MICALL1: variants seen among roughly 807,000 people sequenced by gnomAD.
The protein encoded by MICALL1 is MICAL like 1, also known as MICAL-like protein 1.
Under a neutral mutation model 83.7 loss-of-function variants are expected in MICALL1, and 61 were observed. The observed-to-expected ratio is 0.73, with a 90% CI of 0.59 to 0.90. MICALL1 has a LOEUF of 0.90. MICALL1 is among the 40% of genes least tolerant of loss of function. The probability of loss-of-function intolerance (pLI) is 0.00; values close to 1 mark genes in which losing one functional copy is unlikely to be tolerated. For missense variants in MICALL1, 1,066 were observed against 1,152.0 expected (o/e 0.93, Z 1.08); for synonymous variants, 481 against 473.6 (o/e 1.02, Z -0.20).
intron 8 of MICALL1, chr22:37,927,159 A>C: frequency 4.1e-6 from 2 of 485,452 alleles, no homozygotes; most frequent in East Asian, 3.1e-5. Context: ...CATGGGGGCT[A>C]TGGGGAGTGT....
In MICALL1 at chr22:37,927,758, C is replaced by G. The variant is rs144172126; in HGVS notation, c.1813C>G (p.Leu605Val). 6.2e-7 allele frequency: 1 copy of G among 1,613,786 alleles called. No individual in the cohort carries two copies. ...CTGCAGTGGCGCCACCCCAACGCCTCTCTTGTTGGTTGGAGACAGGAGCCC... is the reference window on the plus strand; with the variant it reads ...CTGCAGTGGCGCCACCCCAACGCCTGTCTTGTTGGTTGGAGACAGGAGCCC... ...KPCSGATPTP[L>V]LLVGDRSPVP... Residue 605 changes from leucine (L) to valine (V), a missense_variant, in exon 9 of 16, where the codon CTC becomes GTC. Coordinates refer to ENST00000215957, the MANE Select transcript of MICALL1 (RefSeq NM_033386.4).
chr22:37,919,216 G>T, intron 5 of MICALL1, 38 bp downstream of exon 5: 1 of 1,481,840 alleles, frequency 6.7e-7, no homozygotes, highest in South Asian at 1.3e-5. Context: ...CCGAAACCAG[G>T]GAGGGGGCTA....
chr22:37,935,613 C>T (rs571819359), intron 13 of MICALL1, among the ~76,000 whole-genome samples: 4 of 151,848 alleles, frequency 2.6e-5, no homozygotes, highest in East Asian at 1.9e-4. Flanking sequence ...AGTGCAATGG[C>T]GTGAACTCAG....
chr22:37,912,851 C>T (rs1414145339), intron 3 of MICALL1, among the ~76,000 whole-genome samples: 1 of 151,612 alleles, frequency 6.6e-6, no homozygotes, highest in Non-Finnish European at 1.5e-5. Flanking sequence ...TTAGTAGAGA[C>T]AGGGTTTCAC....
Position 37,927,562 on chromosome 22 carries a change from G to T in MICALL1, c.1617G>T (p.Glu539Asp). ...CAGCTGTGCCCAAGAGCTCCTCAGA[G>T]CCTGCTGTCCATGCCCCTGGTACCC... The part of the protein sequence containing the change: ...EPPAVPKSSS[E>D]PAVHAPGTPG... The change falls in exon 9 of 16, where the codon GAG (glutamate) becomes GAT (aspartate). Residue 539 changes from glutamate to aspartate, a missense_variant. By Grantham distance (45) the Glu-to-Asp change is conservative. Coordinates refer to ENST00000215957, the MANE Select transcript of MICALL1 (RefSeq NM_033386.4). 2 of 1,613,758 alleles carry T rather than the reference G, an allele frequency of 1.2e-6. No homozygotes were observed. Among genetic ancestry groups the T allele is most frequent in the Non-Finnish European group, 1.7e-6 (2 of 1,179,662 alleles).
chr22:37,927,407 A>C lies in MICALL1; in HGVS notation c.1466-4A>C. ...GTGAGGTGTCCTGGTGCTCGTCCGC[A>C]CAGCTCTCCACGCCTCCCGCCTCTC... On this transcript the variant is annotated splice_region_variant and splice_polypyrimidine_tract_variant and intron_variant, in intron 8 of 15. Coordinates refer to ENST00000215957, the MANE Select transcript of MICALL1 (RefSeq NM_033386.4). 6.4e-7 allele frequency: 1 copy of C among 1,572,386 alleles called. No homozygotes were observed. Among genetic ancestry groups the C allele is most frequent in the Non-Finnish European group, 8.6e-7 (1 of 1,159,984 alleles).
chr22:37,927,691 C>T lies in MICALL1; in HGVS notation c.1746C>T (p.Ala582=). 1 of 1,614,166 alleles carries T rather than the reference C, an allele frequency of 6.2e-7. No individual in the cohort carries two copies. The highest frequency in any genetic ancestry group is 8.5e-7 in the Non-Finnish European group (1 of 1,180,032). ...EQMPQASPGL[A]PRTRGSSGPQ... is the part of the protein sequence containing the mutation. ...TGCCTCAAGCCAGCCCTGGCCTTGC[C>T]CCCAGGACCAGGGGCAGCTCAGGTC... The change falls in exon 9 of 16, where the codon GCC becomes GCT. Residue 582 remains alanine (A), a synonymous_variant. Coordinates refer to ENST00000215957, the MANE Select transcript of MICALL1 (RefSeq NM_033386.4).
Position 37,927,672 on chromosome 22 carries a change from A to G in MICALL1, c.1727A>G (p.Gln576Arg). The G allele has an allele frequency of 1.2e-6, 2 of 1,614,106 alleles. No individual in the cohort carries two copies. The highest frequency in any genetic ancestry group is 1.7e-6 in the Non-Finnish European group (2 of 1,180,024). Residue 576 changes from glutamine (Q) to arginine (R), a missense_variant, in exon 9 of 16, where the codon CAA (glutamine) becomes CGA (arginine). Coordinates refer to ENST00000215957, the MANE Select transcript of MICALL1 (RefSeq NM_033386.4). ...LVEPRVEQMP[Q>R]ASPGLAPRTR... ...GAGCCTAGAGTGGAACAAATGCCTCAAGCCAGCCCTGGCCTTGCCCCCAGG... is the reference window on the plus strand; with the variant it reads ...GAGCCTAGAGTGGAACAAATGCCTCGAGCCAGCCCTGGCCTTGCCCCCAGG...
rs774789134 is a variant in MICALL1, at chr22:37,940,784, G to T, written c.2546G>T (p.Gly849Val). ...ACCATGAAGATGTTGAAACTGCTAG[G>T]AAACAAACGTGATGCCAAGAGCAAG... ...FKTMKMLKLL[G>V]NKRDAKSKSP... Residue 849 changes from glycine to valine, a missense_variant, in exon 16 of 16, where the codon GGA (glycine) becomes GTA (valine). Transcript: ENST00000215957. 1 of 1,614,146 alleles carries T rather than the reference G, an allele frequency of 6.2e-7. No individual in the cohort carries two copies. Among genetic ancestry groups the T allele is most frequent in the South Asian group, 1.1e-5 (1 of 91,086 alleles).
chr22:37,910,094 G>C (rs1405671856), intron 1 of MICALL1, among the ~76,000 whole-genome samples: 1 of 152,222 alleles, frequency 6.6e-6, no homozygotes, highest in Non-Finnish European at 1.5e-5. Context: ...CCAGAGCCAA[G>C]TAGAACTCCG....
Position 37,912,340 on chromosome 22 carries a change from C to T in MICALL1, c.196-11C>T, listed in dbSNP as rs368481072. The stretch of plus-strand genomic sequence containing the variant: ...CGGCTGCTCCCGCCCTTGTACCTGT[C>T]ACCACCCCAGGCCTTTGAAGTGGCT... On this transcript the variant is annotated splice_polypyrimidine_tract_variant and intron_variant, in intron 2 of 15. Coordinates refer to ENST00000215957, the MANE Select transcript of MICALL1 (RefSeq NM_033386.4). 4 of 1,600,546 alleles carry T rather than the reference C, an allele frequency of 2.5e-6. No individual in the cohort carries two copies. The highest frequency in any genetic ancestry group is 2.6e-6 in the Non-Finnish European group (3 of 1,171,390).
intron 4 of MICALL1, 39 bp downstream of exon 4, chr22:37,917,834 G>A (rs749416117): frequency 1.1e-5 from 17 of 1,567,228 alleles, no homozygotes; most frequent in Non-Finnish European, 1.4e-5. Flanking sequence ...GCCAGGGGTG[G>A]AGGGGGCGAG....
In MICALL1 at chr22:37,925,849, A is replaced by C; in HGVS notation, c.1271A>C (p.Tyr424Ser). 2 of 1,613,924 alleles carry C rather than the reference A, an allele frequency of 1.2e-6. No individual in the cohort carries two copies. Among genetic ancestry groups the C allele is most frequent in the Non-Finnish European group, 1.7e-6 (2 of 1,179,968 alleles). The change falls in exon 8 of 16, where the codon TAT becomes TCT. Residue 424 changes from tyrosine to serine, a missense_variant. Physicochemically the swap from Tyr to Ser is moderately radical, Grantham distance 144. Transcript: ENST00000215957. ...ACGGCCAGCCTGGAGTCCAAACCCT[A>C]TAACCCCTTTGAGGAGGAGGAGGAG... is the stretch of plus-strand genomic sequence containing the variant. ...SPTASLESKP[Y>S]NPFEEEEEDK...
At chr22:37,916,189 T>C (rs1292092676) in intron 3 of MICALL1, among the ~76,000 whole-genome samples, 2 of 152,182 alleles carry the variant, frequency 1.3e-5, no homozygotes, top group Non-Finnish European at 2.9e-5. Flanking sequence ...GGGCACAGCT[T>C]ACCGTGCTGA....
intron 4 of MICALL1, 137 bp from the exon 5 acceptor site, chr22:37,918,899 G>T: frequency 9.0e-7 from 1 of 1,110,800 alleles, no homozygotes. Context: ...GGGCCCTGAT[G>T]AAGTCCATTT....
rs1005016288 is a variant in MICALL1, at chr22:37,926,141, G to A, written c.1465+98G>A. On this transcript the variant is annotated intron_variant, in intron 8 of 15. Coordinates refer to ENST00000215957, the MANE Select transcript of MICALL1 (RefSeq NM_033386.4). Reference sequence around the variant, plus strand: ...GGTGGGGCAGAGCCTACCAGGCCAGGCACCACGTGTTTCATGGGTGACTTC... The same window carrying A: ...GGTGGGGCAGAGCCTACCAGGCCAGACACCACGTGTTTCATGGGTGACTTC... The A allele has an allele frequency of 2.8e-6, 4 of 1,411,560 alleles. No homozygotes were observed. The East Asian group carries it at 7.3e-5, about 26-fold the overall frequency. The allele number at this position is 1,411,560 out of a possible 1,614,324, so 87.4% of individuals were successfully genotyped here.
At position 37,924,094 on chromosome 22, in the gene MICALL1, G is replaced by A. The variant is rs1929266464; in HGVS notation, c.1025-566G>A. ...AGGCATTGGTGGCCACGGGGAGAGA[G>A]ACTCCCAGGGTCACCCTGCGACTTG... On this transcript the variant is annotated intron_variant, in intron 6 of 15. Transcript: ENST00000215957. This position sits in a 1 kb window ranked among gnomAD's most constrained non-coding sequence, Gnocchi z 5.2. Among the ~76,000 whole-genome samples, 1 of 152,212 alleles carries A rather than the reference G, an allele frequency of 6.6e-6. No homozygotes were observed. The highest frequency in any genetic ancestry group is 1.5e-5 in the Non-Finnish European group (1 of 68,042).
At chr22:37,919,214 A>G in intron 5 of MICALL1, 36 bp downstream of exon 5, 1 of 1,482,944 alleles carries the variant, frequency 6.7e-7, no homozygotes, top group South Asian at 1.3e-5. Context: ...CCCCGAAACC[A>G]GGGAGGGGGC....
chr22:37,937,396 G>A (rs1245446819), intron 14 of MICALL1, among the ~76,000 whole-genome samples: 2 of 150,832 alleles, frequency 1.3e-5, no homozygotes, highest in Admixed American at 1.3e-4. Context: ...CCTTCCTCCC[G>A]TAGGACTCTC....
Sources: allele counts gnomAD v4.1 joint callset (sites outside exome capture counted in the v4.1 genomes callset), GRCh38; gene constraint gnomAD v4.1.1; non-coding constraint Gnocchi (gnomAD v3.1); transcripts MANE v1.5; gene names NCBI Gene and HGNC (gene_info 2026-07-23, HGNC 2026-07-21).